The following USP34 variants were observed in gnomAD, a reference collection of about 807,000 sequenced individuals.
USP34 encodes ubiquitin carboxyl-terminal hydrolase 34.
USP34 carries 70 observed loss-of-function variants against 460.3 expected under a neutral mutation model. The observed-to-expected ratio is 0.15, with a 90% CI of 0.13 to 0.19. USP34 has a LOEUF of 0.19. Ranked by LOEUF, USP34 falls within the 10% of genes least tolerant of loss-of-function variation. USP34 has a pLI of 1.00. For synonymous variants in USP34, 1,647 were observed against 1,405.3 expected (o/e 1.17, Z -3.85); for missense variants, 3,985 against 4,236.2 (o/e 0.94, Z 1.65).
chr2:61,376,556 A>G (rs1000101377), intron 8 of USP34, among the ~76,000 whole-genome samples: 17 of 152,206 alleles, frequency 1.1e-4, no homozygotes, highest in African/African-American at 4.1e-4. Context: ...ATTAGCAATT[A>G]CATAAGGTTC....
intron 15 of USP34, among the ~76,000 whole-genome samples, chr2:61,345,002 G>A (rs971784888): frequency 1.3e-5 from 2 of 152,186 alleles, no homozygotes; most frequent in Non-Finnish European, 2.9e-5. Context: ...GCTGGGCATG[G>A]TGGCTCACAC....
At chr2:61,450,378 T>C (rs1014485786) in intron 1 of USP34, among the ~76,000 whole-genome samples, 4 of 152,168 alleles carry the variant, frequency 2.6e-5, no homozygotes, top group Admixed American at 2.0e-4. Context: ...GTTGCACAAC[T>C]CTGAATCAGT....
Position 61,188,205 on chromosome 2 carries a change from T to G in USP34, c.10538A>C (p.His3513Pro). Residue 3513 changes from histidine to proline, a missense_variant, in exon 80 of 80, where the codon CAT becomes CCT. Around this residue, in one of 14 missense-constraint regions of USP34, gnomAD observed 506 missense variants for 439.0 expected, o/e 1.15. Coordinates refer to ENST00000398571, the MANE Select transcript of USP34 (RefSeq NM_014709.4). ...ATCTAAAATGTCATGTTGCTGCATA[T>G]GACTAAAGAGTCCTCTGGAATGGCC... ...SCGHSRGLFSHMQQHDILDTL... is the reference protein window; with the variant it reads ...SCGHSRGLFSPMQQHDILDTL... 1 of 1,614,196 alleles carries G rather than the reference T, an allele frequency of 6.2e-7. No individual in the cohort carries two copies.
chr2:61,199,550 C>A (rs1558462128), intron 75 of USP34, among the ~76,000 whole-genome samples: 1 of 152,204 alleles, frequency 6.6e-6, no homozygotes, highest in Non-Finnish European at 1.5e-5. Flanking sequence ...GCCACTGTGC[C>A]CTGCCCCCAA....
chr2:61,340,417 A>G (rs1052012719), intron 16 of USP34, among the ~76,000 whole-genome samples: 2 of 152,166 alleles, frequency 1.3e-5, no homozygotes, highest in African/African-American at 4.8e-5. Flanking sequence ...TCTTGGGTAA[A>G]TACTAGGATT....
chr2:61,446,277 T>C (rs1695114624), intron 1 of USP34, among the ~76,000 whole-genome samples: 1 of 152,176 alleles, frequency 6.6e-6, no homozygotes, highest in South Asian at 2.1e-4. Context: ...TAATAGAAGA[T>C]GGCTGTATCC....
At chr2:61,198,633 G>C (rs1057256362) in intron 75 of USP34, among the ~76,000 whole-genome samples, 1 of 151,864 alleles carries the variant, frequency 6.6e-6, no homozygotes, top group African/African-American at 2.4e-5. Context: ...CACTTTGGGA[G>C]GCAGAGGCAC....
intron 49 of USP34, among the ~76,000 whole-genome samples, chr2:61,248,213 C>CA (rs1382382708): frequency 7.1e-5 from 10 of 140,616 alleles, no homozygotes; most frequent in East Asian, 4.1e-4. Context: ...AAAACCCCCA[C>CA]AAAAAACAAC....
chr2:61,404,192 A>C (rs1573008057), intron 3 of USP34, among the ~76,000 whole-genome samples: 2 of 152,130 alleles, frequency 1.3e-5, no homozygotes, highest in South Asian at 4.2e-4. Context: ...ATCCCAGTAA[A>C]GGACTATTAT....
chr2:61,316,378 A>C (rs1252316882), intron 23 of USP34, among the ~76,000 whole-genome samples: 1 of 152,034 alleles, frequency 6.6e-6, no homozygotes, highest in Non-Finnish European at 1.5e-5. Context: ...TGAGGTCAGG[A>C]GTTCGAGACT....
chr2:61,459,814 C>T (rs1466919895), intron 1 of USP34, among the ~76,000 whole-genome samples: 1 of 150,168 alleles, frequency 6.7e-6, no homozygotes, highest in African/African-American at 2.5e-5. Flanking sequence ...AATCGTAGCA[C>T]TTTGGGAGGC....
At chr2:61,353,570 TTTTTG>T (rs1375578884) in intron 10 of USP34, among the ~76,000 whole-genome samples, 2 of 122,674 alleles carry the variant, frequency 1.6e-5, no homozygotes, top group Non-Finnish European at 1.8e-5. Context: ...TTTGTTTTTG[TTTTTG>T]TTTTTTTTGT....
intron 41 of USP34, among the ~76,000 whole-genome samples, chr2:61,273,764 T>A (rs2103939820): frequency 6.6e-6 from 1 of 151,988 alleles, no homozygotes; most frequent in African/African-American, 2.4e-5. Context: ...TCTACATAAT[T>A]AAGATATGAT....
intron 2 of USP34, among the ~76,000 whole-genome samples, chr2:61,408,268 G>C (rs1052360952): frequency 3.3e-5 from 5 of 151,952 alleles, no homozygotes; most frequent in African/African-American, 1.2e-4. Flanking sequence ...TAGGAAACCC[G>C]ACCCAGAACC....
chr2:61,204,422 T>A (rs759362361), intron 73 of USP34, 42 bp from the exon 74 acceptor site: 4 of 1,613,298 alleles, frequency 2.5e-6, no homozygotes, highest in Non-Finnish European at 3.4e-6. Flanking sequence ...ATGGAAAAAA[T>A]AAATCTCCAT....
At chr2:61,230,509 G>A (rs988482853) in intron 58 of USP34, among the ~76,000 whole-genome samples, 11 of 152,042 alleles carry the variant, frequency 7.2e-5, no homozygotes, top group African/African-American at 2.4e-4. Context: ...GGTTGACAGA[G>A]TGAGACTCCA....
rs1365152754 is a variant in USP34, at chr2:61,208,960, A to G, written c.8858T>C (p.Leu2953Ser). ...AAGAAGTCTGTCTTCATCAGATTCTAATAGTATTCTGAAGGCACTAGAAGA... is the reference window on the plus strand; with the variant it reads ...AAGAAGTCTGTCTTCATCAGATTCTGATAGTATTCTGAAGGCACTAGAAGA... ...TTLISAFRIL[L>S]ESDEDRLLVV... The change falls in exon 70 of 80, where the codon TTA becomes TCA. Residue 2953 changes from leucine to serine, a missense_variant. Leu to Ser is a moderately radical substitution (Grantham distance 145). Coordinates refer to ENST00000398571, the MANE Select transcript of USP34 (RefSeq NM_014709.4). 4.4e-6 allele frequency: 7 copies of G among 1,591,864 alleles called. No individual in the cohort carries two copies. The highest frequency in any genetic ancestry group is 1.7e-5 in the Admixed American group (1 of 57,506).
At chr2:61,450,391 G>C (rs1214143254) in intron 1 of USP34, among the ~76,000 whole-genome samples, 2 of 152,096 alleles carry the variant, frequency 1.3e-5, no homozygotes, top group African/African-American at 4.8e-5. Flanking sequence ...GAATCAGTCG[G>C]GTGCCAGTAA....
intron 15 of USP34, among the ~76,000 whole-genome samples, chr2:61,346,525 C>T (rs1691772315): frequency 2.8e-5 from 2 of 71,686 alleles, no homozygotes; most frequent in Admixed American, 4.2e-4. Context: ...GACCCTATCT[C>T]TTAAAAAAAA....
Sources: allele counts gnomAD v4.1 joint callset (sites outside exome capture counted in the v4.1 genomes callset), GRCh38; gene constraint gnomAD v4.1.1; regional missense constraint gnomAD v4.1.1; transcripts MANE v1.5; gene names NCBI Gene and HGNC (gene_info 2026-07-23, HGNC 2026-07-21).